USF2: variants seen among roughly 807,000 people sequenced by gnomAD.
The protein encoded by USF2 is upstream stimulatory factor 2.
In USF2, 16 loss-of-function variants were observed where a neutral mutation model predicts 46.9. That is an observed-to-expected ratio of 0.34 (90% CI 0.23 to 0.52). The LOEUF (loss-of-function observed/expected upper bound fraction) is 0.52. Among genes scored for constraint, USF2 ranks in the 20% least tolerant of loss-of-function variants. The pLI is 0.96. For synonymous variants in USF2, 239 were observed against 194.1 expected (o/e 1.23, Z -1.92); for missense variants, 411 against 474.0 (o/e 0.87, Z 1.23).
At chr19:35,269,184 G>A (rs2066099800) in intron 1 of USF2, 21 bp downstream of exon 1, 3 of 988,874 alleles carry the variant, frequency 3.0e-6, no homozygotes, top group Non-Finnish European at 3.6e-6. Flanking sequence ...CGGCCCGGCC[G>A]TGCCCCCGCG....
Position 35,269,896 on chromosome 19 carries a change from G to C in USF2, c.322G>C (p.Ala108Pro). 7.1e-7 allele frequency: 1 copy of C among 1,401,766 alleles called. No homozygotes were observed. The highest frequency in any genetic ancestry group is 9.2e-7 in the Non-Finnish European group (1 of 1,086,986). 86.8% of individuals were successfully genotyped at this position (1,401,766 alleles called of 1,614,324 possible). A position where few individuals can be genotyped will look rare whatever the true frequency, so the allele number is the denominator to read the frequency against. ...CAGCGTCGTGTCCACCGCTGCCTTC[G>C]CGGGGGGGCAGCAGGCTGTGACCCA... ...AVSVVSTAAFAGGQQAVTQVG... is the reference protein window; with the variant it reads ...AVSVVSTAAFPGGQQAVTQVG... Residue 108 changes from alanine to proline, a missense_variant, in exon 4 of 10, where the codon GCG becomes CCG. Transcript: ENST00000222305.
chr19:35,273,451 T>C (rs1273547619), intron 7 of USF2, among the ~76,000 whole-genome samples: 1 of 152,236 alleles, frequency 6.6e-6, no homozygotes, highest in Non-Finnish European at 1.5e-5. Flanking sequence ...TCCAGGGCTG[T>C]CCCAGTTCCA....
intron 7 of USF2, chr19:35,277,436 G>A (rs551689838): frequency 1.4e-4 from 21 of 155,318 alleles, no homozygotes; most frequent in African/African-American, 4.1e-4. Context: ...AGCAGCATGC[G>A]GCCACAGCCC....
intron 7 of USF2, among the ~76,000 whole-genome samples, chr19:35,272,738 G>A (rs531235550): frequency 1.3e-5 from 2 of 152,178 alleles, no homozygotes; most frequent in South Asian, 4.2e-4. Context: ...CCTGAGACAG[G>A]GCAGGGGTTG....
intron 7 of USF2, among the ~76,000 whole-genome samples, chr19:35,276,069 CTTTTTTTTTTT>C (rs752967792): frequency 1.8e-5 from 2 of 112,042 alleles, no homozygotes; most frequent in Non-Finnish European, 3.5e-5. Context: ...TGAATTTTCT[CTTTTTTTTTTT>C]TTTTTTTTTG....
At chr19:35,270,417 A>T in intron 4 of USF2, 30 bp from the exon 5 acceptor site, 2 of 1,598,386 alleles carry the variant, frequency 1.3e-6, no homozygotes, top group Non-Finnish European at 1.7e-6. Flanking sequence ...AGAGAAAGCT[A>T]AGGGTAGCCT....
intron 7 of USF2, among the ~76,000 whole-genome samples, chr19:35,274,583 C>G (rs557705511): frequency 7.2e-5 from 11 of 152,288 alleles, no homozygotes; most frequent in Admixed American, 2.0e-4. Context: ...GGACGGATCA[C>G]TTGAGCCCAG....
At chr19:35,270,903 G>C (rs895018685) in intron 6 of USF2, 98 bp downstream of exon 6, 65 of 1,500,948 alleles carry the variant, frequency 4.3e-5, no homozygotes, top group Non-Finnish European at 5.6e-5. Flanking sequence ...TGGGCACATG[G>C]TGTAATGTTT....
intron 6 of USF2, 128 bp downstream of exon 6, chr19:35,270,933 G>T: frequency 7.0e-7 from 1 of 1,425,846 alleles, no homozygotes; most frequent in Non-Finnish European, 9.8e-7. Context: ...GCCTGTTTCT[G>T]CTGCTCTAGT....
In USF2 at chr19:35,270,889, G is replaced by A. The variant is rs548841333; in HGVS notation, c.668+84G>A. The A allele has an allele frequency of 2.5e-5, 39 of 1,540,358 alleles. No individual in the cohort carries two copies. In the South Asian group the frequency reaches 3.6e-4, roughly 14 times the overall value. On this transcript the variant is annotated intron_variant, in intron 6 of 9. Coordinates refer to ENST00000222305, the MANE Select transcript of USF2 (RefSeq NM_003367.4). Reference sequence around the variant, plus strand: ...GGAGTAGAAGCTGGGCAGTTAGCATGAAGTGGGCACATGGTGTAATGTTTT... The same window carrying A: ...GGAGTAGAAGCTGGGCAGTTAGCATAAAGTGGGCACATGGTGTAATGTTTT...
Position 35,278,961 on chromosome 19 carries a change from C to A in USF2, c.838C>A (p.Leu280Met), listed in dbSNP as rs2066272637. 6.4e-7 allele frequency: 1 copy of A among 1,551,370 alleles called. No homozygotes were observed. The highest frequency in any genetic ancestry group is 1.4e-5 in the African/African-American group (1 of 73,044). Residue 280 changes from leucine (L) to methionine (M), a missense_variant, in exon 9 of 10, where the codon CTG becomes ATG. Coordinates refer to ENST00000222305, the MANE Select transcript of USF2 (RefSeq NM_003367.4). ...SKTGASKGGI[L>M]SKACDYIREL... is the part of the protein sequence containing the mutation. The stretch of plus-strand genomic sequence containing the variant: ...CGCCCCCCAGAGTAAAGGAGGGATC[C>A]TGTCCAAGGCCTGCGATTACATCCG...
rs897128968 is a variant in USF2 at position 35,279,044 on chromosome 19, G to A, written c.921G>A (p.Leu307=). The A allele has an allele frequency of 1.3e-6, 2 of 1,598,556 alleles. No homozygotes were observed. Among genetic ancestry groups the A allele is most frequent in the Non-Finnish European group, 1.7e-6 (2 of 1,172,144 alleles). ...AGACCTTCAAAGAGGCCGAGCGGCTGCAGATGGACAACGAGCTCCTGAGGC... is the reference window on the plus strand; with the variant it reads ...AGACCTTCAAAGAGGCCGAGCGGCTACAGATGGACAACGAGCTCCTGAGGC... ...MQETFKEAER[L]QMDNELLRQQ... The change falls in exon 9 of 10, where the codon CTG becomes CTA. Residue 307 remains leucine (L), a synonymous_variant. Coordinates refer to ENST00000222305, the MANE Select transcript of USF2 (RefSeq NM_003367.4).
chr19:35,271,704 T>A (rs2066159465), intron 7 of USF2, among the ~76,000 whole-genome samples: 2 of 152,248 alleles, frequency 1.3e-5, no homozygotes, highest in Admixed American at 1.3e-4. Flanking sequence ...CAGTAGCCAC[T>A]GCAGTGGGCA....
At chr19:35,273,801 C>T (rs768442615) in intron 7 of USF2, among the ~76,000 whole-genome samples, 6 of 152,222 alleles carry the variant, frequency 3.9e-5, no homozygotes, top group Non-Finnish European at 7.3e-5. Context: ...GGCAGTCCTC[C>T]GGCCTCGGCT....
rs1258311603 is a variant in USF2 at position 35,279,041 on chromosome 19, G to A, written c.918G>A (p.Arg306=). 8 of 1,597,518 alleles carry A rather than the reference G, an allele frequency of 5.0e-6. No homozygotes were observed. The highest frequency in any genetic ancestry group is 3.4e-4 in the Middle Eastern group (2 of 5,964). Reference sequence around the variant, plus strand: ...AGGAGACCTTCAAAGAGGCCGAGCGGCTGCAGATGGACAACGAGCTCCTGA... The same window carrying A: ...AGGAGACCTTCAAAGAGGCCGAGCGACTGCAGATGGACAACGAGCTCCTGA... ...RMQETFKEAE[R]LQMDNELLRQ... The change falls in exon 9 of 10, where the codon CGG becomes CGA. Residue 306 remains arginine (R), a synonymous_variant. Transcript: ENST00000222305.
At chr19:35,270,945 C>A in intron 6 of USF2, 138 bp from the exon 7 acceptor site, 1 of 1,409,880 alleles carries the variant, frequency 7.1e-7, no homozygotes, top group Non-Finnish European at 9.9e-7. Flanking sequence ...TGCTCTAGTG[C>A]ACATAAAGTA....
At chr19:35,272,606 T>G (rs916151810) in intron 7 of USF2, among the ~76,000 whole-genome samples, 5 of 152,172 alleles carry the variant, frequency 3.3e-5, no homozygotes, top group Non-Finnish European at 7.3e-5. Flanking sequence ...AGTGTGGCTG[T>G]CTGGGCTCCT....
chr19:35,269,663 C>T lies in USF2; in HGVS notation c.192C>T (p.Ile64=), dbSNP rs1183967673. 1 of 1,595,436 alleles carries T rather than the reference C, an allele frequency of 6.3e-7. No individual in the cohort carries two copies. Among genetic ancestry groups the T allele is most frequent in the African/African-American group, 1.4e-5 (1 of 73,218 alleles). ...AGGCGGCGTTCGGCGACCACAACAT[C>T]CAGTACCAGTTCCGCACAGAGACAA... ...VQQAAFGDHN[I]QYQFRTETNG... is the part of the protein sequence containing the mutation. Residue 64 remains isoleucine, a synonymous_variant, in exon 3 of 10, where the codon ATC becomes ATT. Transcript: ENST00000222305.
chr19:35,270,991 C>G, intron 6 of USF2, 92 bp from the exon 7 acceptor site: 2 of 1,545,652 alleles, frequency 1.3e-6, no homozygotes, highest in African/African-American at 1.4e-5. Flanking sequence ...ATTTACCTTG[C>G]AAAGATAATT....
Sources: gnomAD v4.1 joint callset for allele counts (sites outside exome capture counted in the v4.1 genomes callset) on GRCh38, gnomAD v4.1.1 for gene constraint, MANE v1.5 for transcripts, NCBI Gene and HGNC (gene_info 2026-07-23, HGNC 2026-07-21) for gene names.